The following CPNE8 variants were observed in gnomAD, a reference collection of about 807,000 sequenced individuals.
The protein encoded by CPNE8 is copine-8.
Under a neutral mutation model 81.5 loss-of-function variants are expected in CPNE8, and 45 were observed. The ratio of observed to expected loss-of-function variants is 0.55; its 90% CI spans 0.44 to 0.71. CPNE8 has a LOEUF of 0.71. Among genes scored for constraint, CPNE8 ranks in the 30% least tolerant of loss-of-function variants. CPNE8 has a pLI of 0.00. For synonymous variants in CPNE8, 252 were observed against 226.3 expected, an observed-to-expected ratio of 1.11 and a Z score of -1.02; for missense variants, 594 against 672.1, an observed-to-expected ratio of 0.88 and a Z score of 1.28.
chr12:38,733,885 T>C (rs1940894181), intron 10 of CPNE8, among the ~76,000 whole-genome samples: 1 of 151,962 alleles, frequency 6.6e-6, no homozygotes, highest in Non-Finnish European at 1.5e-5. Flanking sequence ...GTCACATTTA[T>C]ACCTGAAACC....
intron 15 of CPNE8, among the ~76,000 whole-genome samples, chr12:38,690,989 C>A (rs1225488339): frequency 6.6e-6 from 1 of 151,954 alleles, no homozygotes; most frequent in Non-Finnish European, 1.5e-5. Flanking sequence ...CTCCAGCAAC[C>A]TCTCTAGAAA....
At chr12:38,868,230 C>T (rs1943943488) in intron 3 of CPNE8, among the ~76,000 whole-genome samples, 1 of 152,048 alleles carries the variant, frequency 6.6e-6, no homozygotes, top group African/African-American at 2.4e-5. Flanking sequence ...AATTATATTG[C>T]ATGCTCCCTG....
intron 4 of CPNE8, among the ~76,000 whole-genome samples, chr12:38,847,973 C>T (rs979167902): frequency 6.6e-6 from 1 of 152,064 alleles, no homozygotes; most frequent in Admixed American, 6.6e-5. Context: ...CTACAGTTCA[C>T]TTCTGTGGAA....
intron 6 of CPNE8, among the ~76,000 whole-genome samples, chr12:38,817,886 G>T (rs186585435): frequency 1.3e-5 from 2 of 152,108 alleles, no homozygotes; most frequent in Non-Finnish European, 2.9e-5. Flanking sequence ...GCCTCCCAAA[G>T]TGCTGGGATT....
At chr12:38,701,240 G>C (rs1939935207) in intron 14 of CPNE8, among the ~76,000 whole-genome samples, 1 of 152,058 alleles carries the variant, frequency 6.6e-6, no homozygotes, top group African/African-American at 2.4e-5. Flanking sequence ...GAAGCTATCT[G>C]GCCCTGGGTT....
chr12:38,655,092 T>C (rs1938788384), intron 19 of CPNE8, among the ~76,000 whole-genome samples: 1 of 152,194 alleles, frequency 6.6e-6, no homozygotes, highest in African/African-American at 2.4e-5. Context: ...AATATCATCA[T>C]TCTAACAACA....
At chr12:38,863,868 G>A (rs1943876376) in intron 3 of CPNE8, among the ~76,000 whole-genome samples, 1 of 151,828 alleles carries the variant, frequency 6.6e-6, no homozygotes, top group South Asian at 2.1e-4. Context: ...TGGCTAACAC[G>A]GTGAAACCCC....
intron 6 of CPNE8, among the ~76,000 whole-genome samples, chr12:38,819,231 T>C (rs1943075610): frequency 1.3e-5 from 2 of 152,220 alleles, no homozygotes; most frequent in African/African-American, 4.8e-5. Context: ...TGAATCGTAT[T>C]GTCTAGGTTT....
At chr12:38,906,316 A>G (rs1252539434), upstream of CPNE8, 1 of 928,928 alleles carries the variant, frequency 1.1e-6, no homozygotes, top group Non-Finnish European at 1.3e-6. Flanking sequence ...CGATCAATAT[A>G]TGGGACAAGT....
intron 6 of CPNE8, among the ~76,000 whole-genome samples, chr12:38,808,056 T>C (rs377049821): frequency 4.0e-5 from 6 of 151,830 alleles, no homozygotes; most frequent in East Asian, 1.9e-4. Flanking sequence ...CAATGAGATA[T>C]CATCTCACAC....
intron 6 of CPNE8, among the ~76,000 whole-genome samples, chr12:38,809,165 T>C (rs575164772): frequency 1.3e-5 from 2 of 152,282 alleles, no homozygotes; most frequent in African/African-American, 4.8e-5. Flanking sequence ...ATCTCACAGT[T>C]AGGAAGTCAG....
Position 38,839,798 on chromosome 12 carries a change from C to A in CPNE8, c.330+118G>T, listed in dbSNP as rs1943439620. 8.5e-6 allele frequency: 8 copies of A among 941,462 alleles called. No homozygotes were observed. The East Asian group carries it at 2.4e-4, about 28-fold the overall frequency. 58.3% of individuals were successfully genotyped at this position (941,462 alleles called of 1,614,324 possible). A position where few individuals can be genotyped will look rare whatever the true frequency, so the allele number is the denominator to read the frequency against. ...GTTCTTTTAAAATGTTACTTATTTT[C>A]TATGACAATCACGTTACATGAATAA... On this transcript the variant is annotated intron_variant, in intron 5 of 19. Coordinates refer to ENST00000331366, the MANE Select transcript of CPNE8 (RefSeq NM_153634.3).
At chr12:38,773,985 T>A (rs1335312286) in intron 7 of CPNE8, among the ~76,000 whole-genome samples, 1 of 152,152 alleles carries the variant, frequency 6.6e-6, no homozygotes. Context: ...AATTTCTAAG[T>A]ATGAGAAATA....
At chr12:38,836,586 C>G (rs577037418) in intron 5 of CPNE8, among the ~76,000 whole-genome samples, 1 of 152,208 alleles carries the variant, frequency 6.6e-6, no homozygotes, top group African/African-American at 2.4e-5. Flanking sequence ...TCTCTTGCTA[C>G]AAAATCCCTT....
intron 6 of CPNE8, among the ~76,000 whole-genome samples, chr12:38,824,151 G>A (rs1943151529): frequency 6.6e-6 from 1 of 151,928 alleles, no homozygotes; most frequent in African/African-American, 2.4e-5. Context: ...AAAAATTATT[G>A]AACATCAATT....
chr12:38,826,446 T>C (rs116766288), intron 6 of CPNE8, among the ~76,000 whole-genome samples: 2,025 of 152,338 alleles, frequency 0.013, 44 homozygotes, highest in African/African-American at 0.046. Context: ...ATATGAAATA[T>C]GTGTATGTTA....
intron 1 of CPNE8, among the ~76,000 whole-genome samples, chr12:38,902,117 T>G (rs755148779): frequency 2.9e-5 from 4 of 139,400 alleles, no homozygotes; most frequent in Non-Finnish European, 4.6e-5. Context: ...AAGCTTTTAA[T>G]GATAGGGGAC....
chr12:38,846,133 A>C (rs1438087609), intron 4 of CPNE8, among the ~76,000 whole-genome samples: 1 of 152,146 alleles, frequency 6.6e-6, no homozygotes, highest in Non-Finnish European at 1.5e-5. Context: ...ACAAGTTTTG[A>C]GTATCAGGTA....
At position 38,729,113 on chromosome 12, in the gene CPNE8, T is replaced by C. The variant is rs527353589; in HGVS notation, c.798+1170A>G. Reference sequence around the variant, plus strand: ...AGTGGTTAATCTCTGGAGTATTATATGCTGACTAGCAGTAGATGATGCCTA... The same window carrying C: ...AGTGGTTAATCTCTGGAGTATTATACGCTGACTAGCAGTAGATGATGCCTA... On this transcript the variant is annotated intron_variant, in intron 11 of 19. Coordinates refer to ENST00000331366, the MANE Select transcript of CPNE8 (RefSeq NM_153634.3). Among the ~76,000 whole-genome samples, 7 of 152,212 alleles carry C rather than the reference T, an allele frequency of 4.6e-5. No individual in the cohort carries two copies. In the South Asian group the frequency reaches 1.2e-3, roughly 27 times the overall value.
Sources: allele counts gnomAD v4.1 joint callset (sites outside exome capture counted in the v4.1 genomes callset), GRCh38; gene constraint gnomAD v4.1.1; transcripts MANE v1.5; gene names NCBI Gene and HGNC (gene_info 2026-07-23, HGNC 2026-07-21).